The following MDM4 variants were observed in gnomAD, a reference collection of about 807,000 sequenced individuals.
MDM4 encodes MDM4 regulator of p53.
A neutral mutation model predicts 60.2 loss-of-function variants in MDM4; 2 were observed. That is an observed-to-expected ratio of 0.03 (90% CI 0.01 to 0.10). The LOEUF is 0.10. Ranked by LOEUF, MDM4 falls within the 10% of genes least tolerant of loss-of-function variation. The pLI is 1.00. For synonymous variants in MDM4, 202 were observed against 198.1 expected, an observed-to-expected ratio of 1.02 and a Z score of -0.17; for missense variants, 447 against 577.5, an observed-to-expected ratio of 0.77 and a Z score of 2.32.
chr1:204,534,813 C>T (rs560130224), intron 5 of MDM4, among the ~76,000 whole-genome samples: 1 of 151,994 alleles, frequency 6.6e-6, no homozygotes, highest in Non-Finnish European at 1.5e-5. Context: ...TTTAACTTGT[C>T]GTTTTGAAAA....
chr1:204,527,912 C>T (rs1660383751), intron 3 of MDM4, among the ~76,000 whole-genome samples: 1 of 151,488 alleles, frequency 6.6e-6, no homozygotes, highest in Non-Finnish European at 1.5e-5. Flanking sequence ...AACACTGCCA[C>T]ACTCCAGAAC....
intron 5 of MDM4, among the ~76,000 whole-genome samples, chr1:204,533,967 G>C (rs1661129689): frequency 6.6e-6 from 1 of 151,622 alleles, no homozygotes; most frequent in Non-Finnish European, 1.5e-5. Flanking sequence ...TTGTTTTTTT[G>C]TAGAAATGGG....
intron 9 of MDM4, among the ~76,000 whole-genome samples, chr1:204,544,897 CT>C (rs1179262899): frequency 6.6e-6 from 1 of 152,198 alleles, no homozygotes; most frequent in Non-Finnish European, 1.5e-5. Context: ...GTAAGCTACT[CT>C]TTTTTCCCCT....
intron 5 of MDM4, among the ~76,000 whole-genome samples, chr1:204,533,792 T>C (rs1036129985): frequency 8.6e-5 from 13 of 151,220 alleles, no homozygotes; most frequent in African/African-American, 3.1e-4. Flanking sequence ...CTTTTTTTTT[T>C]TTTTTAAATG....
Position 204,535,378 on chromosome 1 carries a change from C to T in MDM4, c.344-2052C>T, listed in dbSNP as rs184693172. ...TTCACCGTGTTAGCCAGGATGGTCT[C>T]GATCTCCTGACCTCGTGATCTGCCC... is the stretch of plus-strand genomic sequence containing the variant. On this transcript the variant is annotated intron_variant, in intron 5 of 10. Coordinates refer to ENST00000367182, the MANE Select transcript of MDM4 (RefSeq NM_002393.5). Among the ~76,000 whole-genome samples, 389 of 151,930 alleles carry T rather than the reference C, an allele frequency of 2.6e-3. 4 individuals are homozygous for T. Among genetic ancestry groups the T allele is most frequent in the Non-Finnish European group, 9.3e-4 (63 of 67,966 alleles).
intron 1 of MDM4, among the ~76,000 whole-genome samples, chr1:204,516,866 A>G (rs1484232568): frequency 6.6e-6 from 1 of 152,200 alleles, no homozygotes; most frequent in Non-Finnish European, 1.5e-5. Context: ...GTAGAATGAC[A>G]TTGACGTGTC....
chr1:204,527,033 G>C (rs145544338), intron 3 of MDM4, among the ~76,000 whole-genome samples: 15 of 151,982 alleles, frequency 9.9e-5, no homozygotes, highest in African/African-American at 3.6e-4. Flanking sequence ...CATAGCTCAC[G>C]CCTGCAATCC....
intron 1 of MDM4, among the ~76,000 whole-genome samples, chr1:204,524,350 G>A (rs138315361): frequency 7.9e-5 from 12 of 152,244 alleles, no homozygotes; most frequent in Non-Finnish European, 1.2e-4. Flanking sequence ...GATTACAGGC[G>A]TGAGCCACTG....
At position 204,551,944 on chromosome 1, in the gene MDM4, A is replaced by T. The variant is rs1294207786; in HGVS notation, c.*2262A>T. On this transcript the variant is annotated 3_prime_UTR_variant, in exon 11 of 11. Transcript: ENST00000367182. ...GAAGAAGAATTGTCTTGGACCACAC[A>T]TAAAATACACTAACACTAACAATAG... 1.6e-5 allele frequency: 3 copies of T among 182,414 alleles called. No homozygotes were observed. The Admixed American group carries it at 1.9e-4, about 12-fold the overall frequency. The allele number at this position is 182,414 out of a possible 1,614,324, so 11.3% of individuals were successfully genotyped here.
At chr1:204,543,452 G>A (rs1426980960) in intron 8 of MDM4, among the ~76,000 whole-genome samples, 3 of 152,198 alleles carry the variant, frequency 2.0e-5, no homozygotes, top group Admixed American at 6.5e-5. Flanking sequence ...CACTACATGC[G>A]TTTTGGATAT....
At chr1:204,518,712 C>T (rs184698022) in intron 1 of MDM4, among the ~76,000 whole-genome samples, 3 of 152,344 alleles carry the variant, frequency 2.0e-5, no homozygotes, top group Admixed American at 1.3e-4. Flanking sequence ...ACCCCTGCCA[C>T]TGGAGTGAAG....
chr1:204,518,363 G>T (rs551072154), intron 1 of MDM4, among the ~76,000 whole-genome samples: 2 of 152,306 alleles, frequency 1.3e-5, no homozygotes, highest in Non-Finnish European at 2.9e-5. Flanking sequence ...TTTAATTAAA[G>T]ATTTAATCTT....
chr1:204,546,832 C>T lies in MDM4; in HGVS notation c.858C>T (p.Asp286=), dbSNP rs559351941. ...TGGGAAAAAATGATGACCTGGAGGA[C>T]TCTAAGTCCTTAAGTGATGATACCG... is the stretch of plus-strand genomic sequence containing the variant. ...IEVGKNDDLE[D]SKSLSDDTDV... is the part of the protein sequence containing the mutation. The change falls in exon 10 of 11, where the codon GAC becomes GAT. Residue 286 remains aspartate (D), a synonymous_variant. Coordinates refer to ENST00000367182, the MANE Select transcript of MDM4 (RefSeq NM_002393.5). 1 of 1,613,240 alleles carries T rather than the reference C, an allele frequency of 6.2e-7. No individual in the cohort carries two copies. Among genetic ancestry groups the T allele is most frequent in the East Asian group, 2.2e-5 (1 of 44,862 alleles).
chr1:204,522,496 C>G (rs1429789755), intron 1 of MDM4, among the ~76,000 whole-genome samples: 1 of 151,112 alleles, frequency 6.6e-6, no homozygotes, highest in Non-Finnish European at 1.5e-5. Flanking sequence ...TTCCCAAGTT[C>G]AGGCGATTCT....
At position 204,525,587 on chromosome 1, in the gene MDM4, A is replaced by C. The variant is rs773983041; in HGVS notation, c.69A>C (p.Gln23His). The C allele has an allele frequency of 6.3e-7, 1 of 1,585,076 alleles. No homozygotes were observed. The highest frequency in any genetic ancestry group is 2.2e-5 in the East Asian group (1 of 44,508). The change falls in exon 2 of 11, where the codon CAA becomes CAC. Residue 23 changes from glutamine (Q) to histidine (H), a missense_variant. Gln to His is a conservative substitution (Grantham distance 24). Transcript: ENST00000367182. ...SDSACRISPG[Q>H]INQVRPKLPL... Reference sequence around the variant, plus strand: ...GTGCTTGCAGGATCTCTCCTGGACAAATCAATCAGGTAAATCATTTTCGGT... The same window carrying C: ...GTGCTTGCAGGATCTCTCCTGGACACATCAATCAGGTAAATCATTTTCGGT...
intron 1 of MDM4, among the ~76,000 whole-genome samples, chr1:204,523,725 G>T (rs920022741): frequency 1.3e-5 from 2 of 151,902 alleles, no homozygotes; most frequent in African/African-American, 4.8e-5. Context: ...TTTCGAAGCT[G>T]CAAATGAATA....
chr1:204,537,953 A>G (rs1270451339), intron 6 of MDM4: 1 of 724,786 alleles, frequency 1.4e-6, no homozygotes, highest in Non-Finnish European at 2.6e-6. Flanking sequence ...TTATACAGAT[A>G]GCCTGTTTTT....
intron 6 of MDM4, chr1:204,537,763 G>A (rs1366925544): frequency 1.7e-6 from 1 of 603,698 alleles, no homozygotes; most frequent in Non-Finnish European, 3.0e-6. Flanking sequence ...GTGTACCTGT[G>A]TGTGTGTGTT....
At chr1:204,520,599 T>C (rs1006391762) in intron 1 of MDM4, among the ~76,000 whole-genome samples, 1 of 152,190 alleles carries the variant, frequency 6.6e-6, no homozygotes, top group Non-Finnish European at 1.5e-5. Context: ...TTAAAAATAA[T>C]CCAGGCCAGG....
Sources: gnomAD v4.1 joint callset for allele counts (sites outside exome capture counted in the v4.1 genomes callset) on GRCh38, gnomAD v4.1.1 for gene constraint, MANE v1.5 for transcripts, NCBI Gene and HGNC (gene_info 2026-07-23, HGNC 2026-07-21) for gene names.